ZNF584: variants seen among roughly 807,000 people sequenced by gnomAD.
The protein encoded by ZNF584 is zinc finger protein 584.
ZNF584 carries 12 observed loss-of-function variants against 14.7 expected under a neutral mutation model. The observed-to-expected ratio is 0.82, with a 90% CI of 0.52 to 1.32. The LOEUF (loss-of-function observed/expected upper bound fraction) is 1.32, where lower values mean the gene tolerates loss of function less well. Among genes scored for constraint, ZNF584 ranks in the 40% most tolerant of loss-of-function variants. The pLI is 0.00. For missense variants in ZNF584, 478 were observed against 518.8 expected (o/e 0.92, Z 0.76); for synonymous variants, 204 against 190.9 (o/e 1.07, Z -0.57).
chr19:58,411,043 G>T (rs918740602), intron 2 of ZNF584, among the ~76,000 whole-genome samples: 3 of 151,232 alleles, frequency 2.0e-5, no homozygotes, highest in Admixed American at 6.6e-5. Flanking sequence ...GCCTGCCTTG[G>T]CCTCTCAAAG....
chr19:58,410,543 A>AATTTTTTTTTTTTTTTTTTTTTTT (rs1568584349), intron 2 of ZNF584, among the ~76,000 whole-genome samples: 1 of 23,160 alleles, frequency 4.3e-5, no homozygotes, highest in African/African-American at 2.5e-4. Context: ...ATATATATAT[A>AATTTTTTTTTTTTTTTTTTTTTTT]TATATATATA....
intron 1 of ZNF584, 138 bp from the exon 2 acceptor site, chr19:58,409,803 G>A: frequency 1.0e-6 from 1 of 993,808 alleles, no homozygotes; most frequent in Non-Finnish European, 1.6e-6. Context: ...GGAGTAAGGT[G>A]GGGAAGAGTT....
intron 1 of ZNF584, among the ~76,000 whole-genome samples, chr19:58,409,650 A>G (rs926398531): frequency 1.3e-5 from 2 of 152,180 alleles, no homozygotes; most frequent in African/African-American, 2.4e-5. Flanking sequence ...GGCCCTGCAC[A>G]TAGATGGCAT....
chr19:58,405,676 G>T (rs1447063604), upstream of ZNF584: 1,118 of 156,802 alleles, frequency 7.1e-3, no homozygotes, highest in Middle Eastern at 0.019. Context: ...AGACGGGGCG[G>T]CCGGGCAGAG....
At chr19:58,416,009 C>T in intron 3 of ZNF584, 1 of 1,552,872 alleles carries the variant, frequency 6.4e-7, no homozygotes. Flanking sequence ...TCACATTTTG[C>T]TGGGACTAGA....
At chr19:58,410,175 C>T (rs2052526136) in intron 2 of ZNF584, 84 bp downstream of exon 2, 1 of 1,472,120 alleles carries the variant, frequency 6.8e-7, no homozygotes, top group Non-Finnish European at 9.0e-7. Context: ...GAAGCCAGAC[C>T]ATGGGGGCTC....
At chr19:58,415,390 G>A (rs142895899) in intron 2 of ZNF584, 134 bp from the exon 3 acceptor site, 2 of 900,626 alleles carry the variant, frequency 2.2e-6, no homozygotes, top group Non-Finnish European at 3.4e-6. Context: ...TAGAGTTGGG[G>A]TCTTACTGTG....
chr19:58,410,713 G>A lies in ZNF584; in HGVS notation c.169+622G>A, dbSNP rs1447461585. Among the ~76,000 whole-genome samples, 26 of 45,350 alleles carry A rather than the reference G, an allele frequency of 5.7e-4. 4 individuals carry two copies. The highest frequency in any genetic ancestry group is 5.1e-3 in the African/African-American group (24 of 4,688). The allele number at this position is 45,350 out of a possible 152,430, so 29.8% of individuals were successfully genotyped here. A position where few individuals can be genotyped will look rare whatever the true frequency, so the allele number is the denominator to read the frequency against. ...TATATGTATATATATATGTATATAT[G>A]TGTATATATATATGTATATATATAT... On this transcript the variant is annotated intron_variant, in intron 2 of 3. Coordinates refer to ENST00000306910, the MANE Select transcript of ZNF584 (RefSeq NM_173548.3).
At chr19:58,410,141 CCCATGCGAAGTTCTGT>C in intron 2 of ZNF584, 50 bp downstream of exon 2, 1 of 1,550,758 alleles carries the variant, frequency 6.4e-7, no homozygotes, top group Non-Finnish European at 8.7e-7. Context: ...CCTCATTTTC[CCCATGCGAAGTTCTGT>C]CCATAACGAA....
At chr19:58,405,110 G>A (rs2052457896), upstream of ZNF584, 2 of 145,652 alleles carry the variant, frequency 1.4e-5, no homozygotes, top group South Asian at 2.1e-4. Flanking sequence ...CTTCCCAGTA[G>A]GGGCGGCCGG....
At chr19:58,411,872 G>C (rs895566169) in intron 2 of ZNF584, among the ~76,000 whole-genome samples, 1 of 151,262 alleles carries the variant, frequency 6.6e-6, no homozygotes, top group African/African-American at 2.4e-5. Context: ...TTGATCTCTT[G>C]ACCTCGTGAT....
upstream of ZNF584, chr19:58,405,943 T>C: frequency 1.7e-5 from 3 of 180,930 alleles, no homozygotes; most frequent in East Asian, 1.8e-4. Context: ...CCAGACGGGG[T>C]GGCCGCCGGG....
chr19:58,414,506 T>C (rs1430264107), intron 2 of ZNF584, among the ~76,000 whole-genome samples: 1 of 94,062 alleles, frequency 1.1e-5, no homozygotes, highest in Non-Finnish European at 2.8e-5. Flanking sequence ...GCCCGGGTAA[T>C]TTTTTTTTTG....
At chr19:58,412,035 T>C (rs1395387001) in intron 2 of ZNF584, among the ~76,000 whole-genome samples, 2 of 136,180 alleles carry the variant, frequency 1.5e-5, no homozygotes, top group Non-Finnish European at 3.2e-5. Flanking sequence ...AGGCTGGAGT[T>C]CAGTGGCATG....
At chr19:58,415,761 C>T (rs998977778) in intron 3 of ZNF584, 115 bp downstream of exon 3, 1 of 1,612,272 alleles carries the variant, frequency 6.2e-7, no homozygotes, top group Non-Finnish European at 8.5e-7. Flanking sequence ...TATTTCCTTC[C>T]ACCTTTCCTG....
chr19:58,402,738 C>T (rs908601847), intron 1 of ZNF584, among the ~76,000 whole-genome samples: 3 of 145,696 alleles, frequency 2.1e-5, no homozygotes, highest in South Asian at 2.2e-4. Context: ...GCAGGAGAAT[C>T]GCTTGAACTC....
Position 58,416,817 on chromosome 19 carries a change from TG to T in ZNF584, c.300del (p.Leu100PhefsTer14). The T allele has an allele frequency of 2.0e-6, 3 of 1,537,212 alleles. No homozygotes were observed. Among genetic ancestry groups the T allele is most frequent in the Non-Finnish European group, 2.6e-6 (3 of 1,144,446 alleles). On this transcript the variant is annotated frameshift_variant, in exon 4 of 4. Coordinates refer to ENST00000306910, the MANE Select transcript of ZNF584 (RefSeq NM_173548.3). LOFTEE classifies it low-confidence loss of function (END_TRUNC). ...GATTCATCTCTGCTTTCAGATGGTT[TG>T]TGTAGAGTGGAGGATGAGAGAGCCC... The part of the protein sequence containing the change: ...EARRGFGLDG[L>X]CRVEDERAHP...
At position 58,417,342 on chromosome 19, in the gene ZNF584, G is replaced by A. The variant is rs2052657610; in HGVS notation, c.824G>A (p.Cys275Tyr). ...TGERPYECSK[C>Y]GKTFSVLSTL... ...GAAAGGCCTTACGAGTGCAGCAAAT[G>A]TGGTAAAACCTTCAGTGTTCTGTCT... Residue 275 changes from cysteine to tyrosine, a missense_variant, in exon 4 of 4, where the codon TGT becomes TAT. Cys to Tyr is a radical substitution (Grantham distance 194). Transcript: ENST00000306910. 6.2e-7 allele frequency: 1 copy of A among 1,614,088 alleles called. No individual in the cohort carries two copies. Among genetic ancestry groups the A allele is most frequent in the African/African-American group, 1.3e-5 (1 of 74,928 alleles).
intron 2 of ZNF584, among the ~76,000 whole-genome samples, chr19:58,414,308 T>C (rs931737838): frequency 6.6e-6 from 1 of 152,168 alleles, no homozygotes; most frequent in Non-Finnish European, 1.5e-5. Flanking sequence ...ATTATTTCAA[T>C]CCTTTGAAAT....
Sources: gnomAD v4.1 joint callset for allele counts (sites outside exome capture counted in the v4.1 genomes callset) on GRCh38, gnomAD v4.1.1 for gene constraint, MANE v1.5 for transcripts, NCBI Gene and HGNC (gene_info 2026-07-23, HGNC 2026-07-21) for gene names.